MYRIP: variants seen among roughly 807,000 people sequenced by gnomAD.
MYRIP encodes rab effector MyRIP.
A neutral mutation model predicts 98.0 loss-of-function variants in MYRIP; 49 were observed. The ratio of observed to expected loss-of-function variants is 0.50; its 90% confidence interval spans 0.40 to 0.63. The LOEUF (loss-of-function observed/expected upper bound fraction) is 0.63, where lower values mean the gene tolerates loss of function less well. Ranked by LOEUF, MYRIP falls within the 30% of genes least tolerant of loss-of-function variation. The pLI, the probability that MYRIP is intolerant of heterozygous loss-of-function variation, is 0.00. For synonymous variants in MYRIP, 404 were observed against 409.5 expected (o/e 0.99, Z 0.16); for missense variants, 1,004 against 1,058.2 (o/e 0.95, Z 0.71).
intron 2 of MYRIP, among the ~76,000 whole-genome samples, chr3:39,979,650 CAAAACAA>C (rs1197136749): frequency 1.3e-5 from 1 of 79,036 alleles, no homozygotes; most frequent in Non-Finnish European, 3.0e-5. Flanking sequence ...AAAACCAAAA[CAAAACAA>C]AAAAAAAAAA....
At chr3:40,039,817 T>C (rs1947471113) in intron 2 of MYRIP, among the ~76,000 whole-genome samples, 1 of 152,060 alleles carries the variant, frequency 6.6e-6, no homozygotes, top group Non-Finnish European at 1.5e-5. Context: ...TAAGAATGTA[T>C]TGTCTCCCTC....
At chr3:40,029,280 A>G (rs1947206805) in intron 2 of MYRIP, among the ~76,000 whole-genome samples, 1 of 152,256 alleles carries the variant, frequency 6.6e-6, no homozygotes, top group Admixed American at 6.5e-5. Flanking sequence ...TTAACATTTT[A>G]TTCAGCCAAG....
At chr3:39,876,257 C>T (rs990906991) in intron 1 of MYRIP, among the ~76,000 whole-genome samples, 1 of 152,110 alleles carries the variant, frequency 6.6e-6, no homozygotes, top group African/African-American at 2.4e-5. Context: ...GATGGGTTTC[C>T]TGAATACAGC....
intron 3 of MYRIP, among the ~76,000 whole-genome samples, chr3:40,142,609 T>C (rs1949928835): frequency 6.6e-6 from 1 of 152,172 alleles, no homozygotes; most frequent in East Asian, 1.9e-4. Context: ...ACTACAGGCA[T>C]GTGCCACTGT....
intron 3 of MYRIP, among the ~76,000 whole-genome samples, chr3:40,058,866 G>A (rs1032941708): frequency 2.1e-4 from 32 of 152,142 alleles, no homozygotes; most frequent in African/African-American, 7.0e-4. Flanking sequence ...TATGTGCCAT[G>A]GTGGTTTGCT....
chr3:40,055,713 T>A (rs9848462), intron 3 of MYRIP, among the ~76,000 whole-genome samples: 44,227 of 151,982 alleles, frequency 0.29, 6,506 homozygotes, highest in East Asian at 0.36. Flanking sequence ...ACTGTTTTCA[T>A]ATGTTTTGGT....
At chr3:39,969,228 G>A (rs906289000) in intron 2 of MYRIP, among the ~76,000 whole-genome samples, 17 of 152,232 alleles carry the variant, frequency 1.1e-4, no homozygotes, top group East Asian at 5.8e-4. Context: ...TTTTGGGGCC[G>A]AGACTGGGAT....
At chr3:40,151,578 T>C (rs1416126351) in intron 4 of MYRIP, among the ~76,000 whole-genome samples, 2 of 152,234 alleles carry the variant, frequency 1.3e-5, no homozygotes, top group Non-Finnish European at 2.9e-5. Flanking sequence ...TACCTTCCTT[T>C]CTTCTTACTC....
intron 11 of MYRIP, among the ~76,000 whole-genome samples, chr3:40,222,799 T>C (rs973359037): frequency 1.3e-5 from 2 of 152,196 alleles, no homozygotes; most frequent in South Asian, 2.1e-4. Flanking sequence ...AATATAGCAA[T>C]CTTGAACACA....
chr3:40,066,198 T>A (rs1400631491), intron 3 of MYRIP, among the ~76,000 whole-genome samples: 4 of 152,162 alleles, frequency 2.6e-5, no homozygotes, highest in Non-Finnish European at 5.9e-5. Flanking sequence ...TCCTTTGCTG[T>A]GCACCACCCT....
intron 1 of MYRIP, among the ~76,000 whole-genome samples, chr3:39,899,610 T>C (rs1296144468): frequency 1.3e-5 from 2 of 152,170 alleles, no homozygotes; most frequent in Non-Finnish European, 2.9e-5. Context: ...GAAATGCTGA[T>C]TTATAGGGTA....
At chr3:40,042,607 C>G (rs544503229) in intron 2 of MYRIP, among the ~76,000 whole-genome samples, 2 of 151,260 alleles carry the variant, frequency 1.3e-5, no homozygotes, top group Non-Finnish European at 2.9e-5. Flanking sequence ...AGTAAATAGT[C>G]ATAGTAAAAA....
chr3:40,190,552 T>C (rs1951178650), intron 10 of MYRIP, 89 bp downstream of exon 10: 2 of 1,482,678 alleles, frequency 1.3e-6, no homozygotes, highest in Admixed American at 5.2e-5. Flanking sequence ...AGTCCTGGGT[T>C]TGGAATCCGC....
chr3:39,872,678 T>A (rs1942840382), intron 1 of MYRIP, among the ~76,000 whole-genome samples: 2 of 152,094 alleles, frequency 1.3e-5, no homozygotes, highest in African/African-American at 4.8e-5. Flanking sequence ...CATCATTTTT[T>A]ATGGCTGCAT....
intron 1 of MYRIP, among the ~76,000 whole-genome samples, chr3:39,867,016 T>C (rs1942647363): frequency 6.6e-6 from 1 of 152,112 alleles, no homozygotes. Context: ...AGCCCAGAGA[T>C]AAACCCATGC....
chr3:39,955,175 T>C (rs957144882), intron 2 of MYRIP, among the ~76,000 whole-genome samples: 7 of 152,020 alleles, frequency 4.6e-5, no homozygotes, highest in Non-Finnish European at 7.4e-5. Flanking sequence ...ATACAGAGAA[T>C]GCCACAAAGA....
intron 2 of MYRIP, among the ~76,000 whole-genome samples, chr3:39,978,312 G>A (rs1056359355): frequency 1.3e-5 from 2 of 152,186 alleles, no homozygotes; most frequent in African/African-American, 2.4e-5. Flanking sequence ...ATTTTGCCTG[G>A]ATAAGGTTAC....
intron 3 of MYRIP, among the ~76,000 whole-genome samples, chr3:40,124,085 A>G (rs1038752269): frequency 4.6e-5 from 7 of 152,226 alleles, no homozygotes; most frequent in Non-Finnish European, 8.8e-5. Context: ...CACTTCTGCC[A>G]TATTCTAGTG....
chr3:40,145,497 T>A (rs553137864), intron 3 of MYRIP, among the ~76,000 whole-genome samples: 28 of 152,296 alleles, frequency 1.8e-4, no homozygotes, highest in African/African-American at 6.7e-4. Flanking sequence ...TCATTCTCCT[T>A]CCTGAGCTGC....
Sources: allele counts gnomAD v4.1 joint callset (sites outside exome capture counted in the v4.1 genomes callset), GRCh38; gene constraint gnomAD v4.1.1; transcripts MANE v1.5; gene names NCBI Gene and HGNC (gene_info 2026-07-23, HGNC 2026-07-21).